SAMHD1: variants seen among roughly 807,000 people sequenced by gnomAD.
SAMHD1 encodes SAM and HD domain containing deoxynucleoside triphosphate triphosphohydrolase 1.
Under a neutral mutation model 79.6 loss-of-function variants are expected in SAMHD1, and 54 were observed. That is an observed-to-expected ratio of 0.68 (90% CI 0.55 to 0.85). The LOEUF is 0.85. Among genes scored for constraint, SAMHD1 ranks in the 40% least tolerant of loss-of-function variants. The probability of loss-of-function intolerance (pLI) is 0.00; values close to 1 mark genes in which losing one functional copy is unlikely to be tolerated. For synonymous variants in SAMHD1, 260 were observed against 264.1 expected (o/e 0.98, Z 0.15); for missense variants, 663 against 782.7 (o/e 0.85, Z 1.82).
At chr20:36,896,208 G>A (rs755372476) in intron 15 of SAMHD1, among the ~76,000 whole-genome samples, 4 of 151,796 alleles carry the variant, frequency 2.6e-5, no homozygotes, top group Non-Finnish European at 2.9e-5. Context: ...TCCTGACCTC[G>A]TGATCCGCCC....
rs1192683978 is a variant in SAMHD1, at chr20:36,890,449, C to CTCCT, written c.*2479_*2482dup. The CTCCT allele has an allele frequency of 2.4e-5, 1 of 41,734 alleles. No individual in the cohort carries two copies. Among genetic ancestry groups the CTCCT allele is most frequent in the Admixed American group, 2.3e-4 (1 of 4,412 alleles). 2.6% of individuals were successfully genotyped at this position (41,734 alleles called of 1,614,324 possible). The stretch of plus-strand genomic sequence containing the variant: ...TTTCTCTCTTTCCTTCCTTCCTTCC[C>CTCCT]TCCTTCCTTCCTTCCTTTCTTTCTT... On this transcript the variant is annotated 3_prime_UTR_variant, in exon 16 of 16. Transcript: ENST00000646673.
intron 4 of SAMHD1, among the ~76,000 whole-genome samples, chr20:36,932,363 A>C (rs1370727395): frequency 1.3e-5 from 2 of 150,142 alleles, no homozygotes; most frequent in African/African-American, 4.9e-5. Flanking sequence ...AAAAAAAAAA[A>C]AAAAAAAAAA....
At chr20:36,927,042 A>T (rs1009438814) in intron 6 of SAMHD1, 140 bp downstream of exon 6, 1 of 697,194 alleles carries the variant, frequency 1.4e-6, no homozygotes, top group African/African-American at 1.8e-5. Flanking sequence ...ATATATATAT[A>T]TATGTGAATG....
chr20:36,951,594 T>TCATCG lies in SAMHD1; in HGVS notation c.45_49dup (p.Asp17AlafsTer51). 6.2e-7 allele frequency: 1 copy of TCATCG among 1,614,162 alleles called. No homozygotes were observed. Among genetic ancestry groups the TCATCG allele is most frequent in the Non-Finnish European group, 8.5e-7 (1 of 1,179,990 alleles). ...GGTGTTTGAGGGGGTTCTCGGGCTG[T>TCATCG]CATCGCAACGGGGACGCTTGGAGGG... is the stretch of plus-strand genomic sequence containing the variant. On this transcript the variant is annotated frameshift_variant, in exon 1 of 16. Coordinates refer to ENST00000646673, the MANE Select transcript of SAMHD1 (RefSeq NM_015474.4). LOFTEE classifies it high-confidence loss of function.
rs541998433 is a variant in SAMHD1 at position 36,890,325 on chromosome 20, C to A, written c.*2607G>T. 6.6e-6 allele frequency: 1 copy of A among 152,058 alleles called. No individual in the cohort carries two copies. The highest frequency in any genetic ancestry group is 2.4e-5 in the African/African-American group (1 of 41,412). 9.4% of individuals were successfully genotyped at this position (152,058 alleles called of 1,614,324 possible). The stretch of plus-strand genomic sequence containing the variant: ...TCTATTTACATTCCCAAGGTAACCA[C>A]GTTCAGTAACTCTCTAGAGGCTAAG... On this transcript the variant is annotated 3_prime_UTR_variant, in exon 16 of 16. Transcript: ENST00000646673.
Position 36,892,783 on chromosome 20 carries a change from T to C in SAMHD1, c.*149A>G. ...TTTGCCTAATACCATCTTATTTCTT[T>C]GATTAAAAGTTACTTAGCTTCAGCA... is the stretch of plus-strand genomic sequence containing the variant. On this transcript the variant is annotated 3_prime_UTR_variant, in exon 16 of 16. Transcript: ENST00000646673. The C allele has an allele frequency of 3.0e-6, 3 of 986,514 alleles. No individual in the cohort carries two copies. In the African/African-American group the frequency reaches 4.8e-5, roughly 16 times the overall value. 61.1% of individuals were successfully genotyped at this position (986,514 alleles called of 1,614,324 possible).
chr20:36,949,068 C>G (rs2063714805), intron 1 of SAMHD1, among the ~76,000 whole-genome samples: 2 of 150,558 alleles, frequency 1.3e-5, no homozygotes, highest in South Asian at 4.2e-4. Context: ...AGTTGGAGAC[C>G]AGCCTGGCCA....
At chr20:36,945,877 C>T (rs1245168866) in intron 2 of SAMHD1, among the ~76,000 whole-genome samples, 1 of 151,764 alleles carries the variant, frequency 6.6e-6, no homozygotes, top group African/African-American at 2.4e-5. Context: ...GCACTCCAGT[C>T]TGGGTGACAG....
At chr20:36,935,545 C>A (rs916510850) in intron 3 of SAMHD1, 13 of 315,338 alleles carry the variant, frequency 4.1e-5, no homozygotes, top group Admixed American at 9.6e-5. Context: ...ATCATGTAAC[C>A]CATATCACTA....
intron 2 of SAMHD1, among the ~76,000 whole-genome samples, chr20:36,944,921 A>G (rs1052987575): frequency 3.3e-5 from 5 of 152,178 alleles, no homozygotes; most frequent in African/African-American, 1.2e-4. Flanking sequence ...TAAGCACCAG[A>G]TCCTCTACTG....
chr20:36,924,174 C>T (rs913315189), intron 6 of SAMHD1, among the ~76,000 whole-genome samples: 2 of 151,738 alleles, frequency 1.3e-5, no homozygotes, highest in Non-Finnish European at 2.9e-5. Flanking sequence ...ATTGCTTGAG[C>T]CTTGGAAGTC....
intron 1 of SAMHD1, among the ~76,000 whole-genome samples, chr20:36,949,755 C>CAAAAAAA (rs34682795): frequency 1.4e-5 from 1 of 69,824 alleles, no homozygotes. Context: ...GACTCTGTCT[C>CAAAAAAA]AAAAAAAAAA....
At chr20:36,894,245 A>ATTT in intron 15 of SAMHD1, 2 of 195,844 alleles carry the variant, frequency 1.0e-5, no homozygotes, top group East Asian at 1.1e-4. Flanking sequence ...ATGTGTTATT[A>ATTT]TTTTTTTTTG....
intron 9 of SAMHD1, among the ~76,000 whole-genome samples, chr20:36,913,693 A>T (rs567270108): frequency 2.2e-4 from 33 of 148,484 alleles, no homozygotes; most frequent in Admixed American, 8.1e-4. Context: ...ATATATATAT[A>T]TTTTAATCCT....
At chr20:36,925,196 C>T (rs1422228145) in intron 6 of SAMHD1, among the ~76,000 whole-genome samples, 1 of 151,006 alleles carries the variant, frequency 6.6e-6, no homozygotes, top group Non-Finnish European at 1.5e-5. Context: ...CTCCCATATA[C>T]TTACACAAAA....
chr20:36,893,184 G>T, intron 15 of SAMHD1, 118 bp from the exon 16 acceptor site: 1 of 1,293,758 alleles, frequency 7.7e-7, no homozygotes, highest in Non-Finnish European at 1.1e-6. Flanking sequence ...GCTTCTAGCT[G>T]TCCTCAATCC....
intron 6 of SAMHD1, among the ~76,000 whole-genome samples, chr20:36,921,356 G>A (rs2063502510): frequency 8.5e-6 from 1 of 118,062 alleles, no homozygotes. Context: ...TCACGCCACT[G>A]CACTACAGGC....
At chr20:36,905,827 G>T (rs6102721) in intron 11 of SAMHD1, among the ~76,000 whole-genome samples, 1 of 152,042 alleles carries the variant, frequency 6.6e-6, no homozygotes, top group Admixed American at 6.6e-5. Flanking sequence ...AAAAAAATTA[G>T]CTGGGTGTAG....
intron 3 of SAMHD1, among the ~76,000 whole-genome samples, chr20:36,939,573 C>A (rs1165730906): frequency 2.0e-5 from 3 of 149,436 alleles, no homozygotes; most frequent in African/African-American, 5.0e-5. Context: ...CCAGCCTAGA[C>A]AACAGAGCAA....
Sources: gnomAD v4.1 joint callset for allele counts (sites outside exome capture counted in the v4.1 genomes callset) on GRCh38, gnomAD v4.1.1 for gene constraint, MANE v1.5 for transcripts, NCBI Gene and HGNC (gene_info 2026-07-23, HGNC 2026-07-21) for gene names.